Variants in C4orf54 observed in about 807,000 individuals in gnomAD.
C4orf54 encodes uncharacterized protein C4orf54.
In C4orf54, 67 loss-of-function variants were observed where a neutral mutation model predicts 80.1. That is an observed-to-expected ratio of 0.84 (90% CI 0.69 to 1.03). The LOEUF (loss-of-function observed/expected upper bound fraction) is 1.03, where lower values mean the gene tolerates loss of function less well. C4orf54 is among the 50% of genes least tolerant of loss of function. The pLI, the probability that C4orf54 is intolerant of heterozygous loss-of-function variation, is 0.00. For synonymous variants in C4orf54, 1,000 were observed against 917.0 expected, an observed-to-expected ratio of 1.09 and a Z score of -1.64; for missense variants, 2,434 against 2,253.5, an observed-to-expected ratio of 1.08 and a Z score of -1.62.
Position 99,647,428 on chromosome 4 carries a change from A to C in C4orf54, c.*36+1803T>G, listed in dbSNP as rs79501540. On this transcript the variant is annotated intron_variant, in intron 2 of 2. Coordinates refer to ENST00000511828, the MANE Select transcript of C4orf54 (RefSeq NM_001354435.2). ...GCTACTCTTTTCCTTCTGCGAAACT[A>C]ATTCTCTAATTCTGAGTCTCCTACC... Among the ~76,000 whole-genome samples, 1,219 of 152,280 alleles carry C rather than the reference A, an allele frequency of 8.0e-3. 15 individuals are homozygous for C. Among genetic ancestry groups the C allele is most frequent in the African/African-American group, 0.028 (1,156 of 41,550 alleles).
rs1205233119 is a variant in C4orf54, at chr4:99,653,015, G to T, written c.1634C>A (p.Ala545Asp). Residue 545 changes from alanine to aspartate, a missense_variant, in exon 2 of 3, where the codon GCT (alanine) becomes GAT (aspartate). Coordinates refer to ENST00000511828, the MANE Select transcript of C4orf54 (RefSeq NM_001354435.2). ...NVRAKQNIIY[A>D]AKHEGDMSLR... ...GCTCATGTCGCCTTCATGCTTGGCAGCATAAATAATGTTTTGCTTTGCACG... is the reference window on the plus strand; with the variant it reads ...GCTCATGTCGCCTTCATGCTTGGCATCATAAATAATGTTTTGCTTTGCACG... 6.5e-7 allele frequency: 1 copy of T among 1,536,064 alleles called. No homozygotes were observed. The highest frequency in any genetic ancestry group is 8.7e-7 in the Non-Finnish European group (1 of 1,146,912).
rs1015207962 is a variant in C4orf54, at chr4:99,651,286, C to T, written c.3363G>A (p.Lys1121=). The T allele has an allele frequency of 6.5e-7, 1 of 1,536,026 alleles. No homozygotes were observed. Among genetic ancestry groups the T allele is most frequent in the South Asian group, 1.2e-5 (1 of 84,058 alleles). Residue 1121 remains lysine (K), a synonymous_variant, in exon 2 of 3, where the codon AAG becomes AAA. Coordinates refer to ENST00000511828, the MANE Select transcript of C4orf54 (RefSeq NM_001354435.2). ...GCCCCTGCTCTGGGGTAACACTGCCCTTGTCACTACTATCCCCTGACCCTT... is the reference window on the plus strand; with the variant it reads ...GCCCCTGCTCTGGGGTAACACTGCCTTTGTCACTACTATCCCCTGACCCTT... The part of the protein sequence containing the change: ...LIKGSGDSSD[K]GSVTPEQGLT...
rs968853815 is a variant in C4orf54 at position 99,654,315 on chromosome 4, C to T, written c.334G>A (p.Ala112Thr). 2.6e-6 allele frequency: 4 copies of T among 1,510,034 alleles called. No homozygotes were observed. The African/African-American group carries it at 5.5e-5, about 21-fold the overall frequency. 93.5% of individuals were successfully genotyped at this position (1,510,034 alleles called of 1,614,324 possible). A position where few individuals can be genotyped will look rare whatever the true frequency, so the allele number is the denominator to read the frequency against. The change falls in exon 2 of 3, where the codon GCA (alanine) becomes ACA (threonine). Residue 112 changes from alanine to threonine, a missense_variant. Coordinates refer to ENST00000511828, the MANE Select transcript of C4orf54 (RefSeq NM_001354435.2). ...PVQIRGTLLR[A>T]TLQPLRGQRR... Reference sequence around the variant, plus strand: ...TGGCCCCGGAGGGGCTGCAGAGTTGCCCGAAGCAGGGTCCCACGTATCTGG... The same window carrying T: ...TGGCCCCGGAGGGGCTGCAGAGTTGTCCGAAGCAGGGTCCCACGTATCTGG...
At position 99,657,654 on chromosome 4, in the gene C4orf54, T is replaced by C. The variant is rs899551506; in HGVS notation, c.-191A>G. On this transcript the variant is annotated 5_prime_UTR_variant, in exon 1 of 3. Coordinates refer to ENST00000511828, the MANE Select transcript of C4orf54 (RefSeq NM_001354435.2). ...TAAAAACCATGTGAGCTGAAAATTT[T>C]GAATAGAACAGACTCTATTAAAAGC... is the stretch of plus-strand genomic sequence containing the variant. 9.9e-5 allele frequency among the ~76,000 whole-genome samples: 15 copies of C among 152,220 alleles called. No individual in the cohort carries two copies. Among genetic ancestry groups the C allele is most frequent in the African/African-American group, 3.6e-4 (15 of 41,462 alleles).
At chr4:99,642,337 T>C (rs1194260525) in intron 2 of C4orf54, among the ~76,000 whole-genome samples, 1 of 152,214 alleles carries the variant, frequency 6.6e-6, no homozygotes, top group Non-Finnish European at 1.5e-5. Context: ...GACTGAGTCC[T>C]ATCACTAGGC....
chr4:99,653,314 G>A lies in C4orf54; in HGVS notation c.1335C>T (p.Pro445=). The A allele has an allele frequency of 1.3e-6, 2 of 1,532,890 alleles. No homozygotes were observed. Among genetic ancestry groups the A allele is most frequent in the South Asian group, 2.4e-5 (2 of 83,668 alleles). The allele number at this position is 1,532,890 out of a possible 1,614,324, so 95.0% of individuals were successfully genotyped here. ...GGGCCAGGTCGCTGCTTGTAGGGCTGGGCGTCCGGGTGGTGTTGGTGCTGG... is the reference window on the plus strand; with the variant it reads ...GGGCCAGGTCGCTGCTTGTAGGGCTAGGCGTCCGGGTGGTGTTGGTGCTGG... ...TTPSTNTTRT[P]SPTSSDLARP... is the part of the protein sequence containing the mutation. Residue 445 remains proline (P), a synonymous_variant, in exon 2 of 3, where the codon CCC becomes CCT. Transcript: ENST00000511828.
chr4:99,654,187 C>A lies in C4orf54; in HGVS notation c.462G>T (p.Ser154=). 6.5e-7 allele frequency: 1 copy of A among 1,536,196 alleles called. No homozygotes were observed. The highest frequency in any genetic ancestry group is 8.7e-7 in the Non-Finnish European group (1 of 1,146,918). ...CCCCCACCTCCGCCTGTCTTGCTTT[C>A]GAATTCAGCTCAGGAGGGGCAGCTT... is the stretch of plus-strand genomic sequence containing the variant. The part of the protein sequence containing the change: ...IMEAAPPELN[S]KARQAEVGDG... Residue 154 remains serine, a synonymous_variant, in exon 2 of 3, where the codon TCG becomes TCT. Coordinates refer to ENST00000511828, the MANE Select transcript of C4orf54 (RefSeq NM_001354435.2).
chr4:99,651,681 G>A lies in C4orf54; in HGVS notation c.2968C>T (p.Leu990Phe), dbSNP rs1246779508. ...GTCTGCTGGATGTTGGGGACAAAGA[G>A]GCGAGACATGATGGTGTTCTTGCTG... is the stretch of plus-strand genomic sequence containing the variant. Reference protein sequence around the residue: ...SASKNTIMSRLFVPNIQQTPK... With the variant: ...SASKNTIMSRFFVPNIQQTPK... The change falls in exon 2 of 3, where the codon CTC becomes TTC. Residue 990 changes from leucine (L) to phenylalanine (F), a missense_variant. By Grantham distance (22) the Leu-to-Phe change is conservative. Transcript: ENST00000511828. 2 of 1,535,936 alleles carry A rather than the reference G, an allele frequency of 1.3e-6. No homozygotes were observed. Among genetic ancestry groups the A allele is most frequent in the African/African-American group, 2.7e-5 (2 of 73,016 alleles).
At chr4:99,643,388 G>C (rs1726637357) in intron 2 of C4orf54, among the ~76,000 whole-genome samples, 1 of 152,020 alleles carries the variant, frequency 6.6e-6, no homozygotes, top group African/African-American at 2.4e-5. Flanking sequence ...ATCTGAGTTG[G>C]GGTTGCCTGA....
rs562528982 is a variant in C4orf54 at position 99,641,108 on chromosome 4, G to T, written c.*125C>A. 3.3e-5 allele frequency: 5 copies of T among 152,148 alleles called. No individual in the cohort carries two copies. The highest frequency in any genetic ancestry group is 9.6e-5 in the African/African-American group (4 of 41,538). 9.4% of individuals were successfully genotyped at this position (152,148 alleles called of 1,614,324 possible). A position where few individuals can be genotyped will look rare whatever the true frequency, so the allele number is the denominator to read the frequency against. ...GCAAAAATTAAGAATAACACATGTG[G>T]AAGAAGTTTTTCAGATGAAATAATT... On this transcript the variant is annotated 3_prime_UTR_variant, in exon 3 of 3. Transcript: ENST00000511828.
chr4:99,650,690 T>C lies in C4orf54; in HGVS notation c.3959A>G (p.Glu1320Gly). The change falls in exon 2 of 3, where the codon GAA becomes GGA. Residue 1320 changes from glutamate to glycine, a missense_variant. Glu to Gly is a moderately conservative substitution (Grantham distance 98). Transcript: ENST00000511828. ...DKLSKRLGEVEERGTGNKAGV... is the reference protein window; with the variant it reads ...DKLSKRLGEVGERGTGNKAGV... Reference sequence around the variant, plus strand: ...AGCTTTGTTTCCTGTGCCCCGCTCTTCCACCTCACCCAGCCGTTTGGACAG... The same window carrying C: ...AGCTTTGTTTCCTGTGCCCCGCTCTCCCACCTCACCCAGCCGTTTGGACAG... The C allele has an allele frequency of 6.5e-7, 1 of 1,536,124 alleles. No homozygotes were observed. Among genetic ancestry groups the C allele is most frequent in the Non-Finnish European group, 8.7e-7 (1 of 1,146,904 alleles).
intron 1 of C4orf54, among the ~76,000 whole-genome samples, chr4:99,655,125 A>G (rs6852647): frequency 0.46 from 69,545 of 152,066 alleles, 18,844 homozygotes; most frequent in African/African-American, 0.74. Flanking sequence ...ACTTTTCATA[A>G]GAATAGAATA....
rs1726560525 is a variant in C4orf54, at chr4:99,639,100, A to C, written c.*2133T>G. On this transcript the variant is annotated 3_prime_UTR_variant, in exon 3 of 3. Transcript: ENST00000511828. ...ACTCTACCACATTTTCTAGAGAAGG[A>C]GTTGTCTCTCTTTTGGAAGAGTTGG... 1 of 152,154 alleles carries C rather than the reference A, an allele frequency of 6.6e-6. No homozygotes were observed. The highest frequency in any genetic ancestry group is 2.4e-5 in the African/African-American group (1 of 41,444). The allele number at this position is 152,154 out of a possible 1,614,324, so 9.4% of individuals were successfully genotyped here.
chr4:99,651,637 C>CAA lies in C4orf54; in HGVS notation c.3011_3012insTT (p.Arg1005Ter). ...CAGGGTACTTGGTGGCCTGCTTCCTCGGCTGCTTGTCCTTGGGTGTCTGCT... is the reference window on the plus strand; with the variant it reads ...CAGGGTACTTGGTGGCCTGCTTCCTCAAGGCTGCTTGTCCTTGGGTGTCTGCT... On this transcript the variant is annotated frameshift_variant, in exon 2 of 3. Coordinates refer to ENST00000511828, the MANE Select transcript of C4orf54 (RefSeq NM_001354435.2). LOFTEE classifies it high-confidence loss of function. 6.5e-7 allele frequency: 1 copy of CAA among 1,536,120 alleles called. No individual in the cohort carries two copies. Among genetic ancestry groups the CAA allele is most frequent in the Non-Finnish European group, 8.7e-7 (1 of 1,146,900 alleles).
chr4:99,650,165 G>A lies in C4orf54; in HGVS notation c.4484C>T (p.Pro1495Leu), dbSNP rs1726781040. The A allele has an allele frequency of 6.5e-7, 1 of 1,535,984 alleles. No individual in the cohort carries two copies. The highest frequency in any genetic ancestry group is 8.7e-7 in the Non-Finnish European group (1 of 1,146,864). ...LSRPGASREG[P>L]PNSSAATLCS... ...GAGAGTGGCAGCTGAGGAGTTGGGG[G>A]GCCCCTCCCTGGAAGCCCCAGGCCT... is the stretch of plus-strand genomic sequence containing the variant. The change falls in exon 2 of 3, where the codon CCC (proline) becomes CTC (leucine). Residue 1495 changes from proline (P) to leucine (L), a missense_variant. Pro to Leu is a moderately conservative substitution (Grantham distance 98, BLOSUM62 -3). Transcript: ENST00000511828.
Position 99,652,343 on chromosome 4 carries a change from C to T in C4orf54, c.2306G>A (p.Gly769Asp). The change falls in exon 2 of 3, where the codon GGC becomes GAC. Residue 769 changes from glycine to aspartate, a missense_variant. By Grantham distance (94) the Gly-to-Asp change is moderately conservative (BLOSUM62 -1). Coordinates refer to ENST00000511828, the MANE Select transcript of C4orf54 (RefSeq NM_001354435.2). ...CTTGCCGGGGCCTTTGGTGGCCCTGCCGGGCCCAGGGGCCGAGCTGGCTTT... is the reference window on the plus strand; with the variant it reads ...CTTGCCGGGGCCTTTGGTGGCCCTGTCGGGCCCAGGGGCCGAGCTGGCTTT... ...ESKASSAPGP[G>D]RATKGPGKGP... 1.3e-6 allele frequency: 2 copies of T among 1,536,012 alleles called. No homozygotes were observed. The highest frequency in any genetic ancestry group is 2.4e-5 in the East Asian group (1 of 40,906).
Position 99,636,908 on chromosome 4 carries a change from G to T in C4orf54, c.*4325C>A, listed in dbSNP as rs1277385428. The T allele has an allele frequency of 6.6e-6, 1 of 151,930 alleles. No homozygotes were observed. Among genetic ancestry groups the T allele is most frequent in the African/African-American group, 2.4e-5 (1 of 41,368 alleles). The allele number at this position is 151,930 out of a possible 1,614,324, so 9.4% of individuals were successfully genotyped here. ...TACCACCAGCTTTTTTCATAGTCCG[G>T]GGTATAACATTATCCAATATCCTTC... On this transcript the variant is annotated 3_prime_UTR_variant, in exon 3 of 3. Coordinates refer to ENST00000511828, the MANE Select transcript of C4orf54 (RefSeq NM_001354435.2).
rs1168929291 is a variant in C4orf54 at position 99,651,739 on chromosome 4, G to A, written c.2910C>T (p.Gly970=). Reference sequence around the variant, plus strand: ...TCTCCCCGAGATCAGCCCGCCAGTCGCCTCCTTTGGGCAGCTTCAGCTTCC... The same window carrying A: ...TCTCCCCGAGATCAGCCCGCCAGTCACCTCCTTTGGGCAGCTTCAGCTTCC... ...PIGKLKLPKG[G]DWRADLGEIS... is the part of the protein sequence containing the mutation. Residue 970 remains glycine (G), a synonymous_variant, in exon 2 of 3, where the codon GGC becomes GGT. Transcript: ENST00000511828. 6.5e-7 allele frequency: 1 copy of A among 1,535,836 alleles called. No individual in the cohort carries two copies. The highest frequency in any genetic ancestry group is 1.4e-5 in the African/African-American group (1 of 72,986).
rs1189839365 is a variant in C4orf54, at chr4:99,651,533, G to C, written c.3116C>G (p.Pro1039Arg). The C allele has an allele frequency of 2.0e-6, 3 of 1,536,148 alleles. No homozygotes were observed. The highest frequency in any genetic ancestry group is 2.6e-6 in the Non-Finnish European group (3 of 1,146,910). The change falls in exon 2 of 3, where the codon CCG (proline) becomes CGG (arginine). Residue 1039 changes from proline to arginine, a missense_variant. By Grantham distance (103) the Pro-to-Arg change is moderately radical (BLOSUM62 -2). Coordinates refer to ENST00000511828, the MANE Select transcript of C4orf54 (RefSeq NM_001354435.2). ...IKIRLGSVQQ[P>R]SSDFNIAKLL... is the part of the protein sequence containing the mutation. ...CTTGGCAATGTTGAAGTCTGAGCTCGGCTGCTGCACACTCCCCAGCCGGAT... is the reference window on the plus strand; with the variant it reads ...CTTGGCAATGTTGAAGTCTGAGCTCCGCTGCTGCACACTCCCCAGCCGGAT...
Sources: gnomAD v4.1 joint callset for allele counts (sites outside exome capture counted in the v4.1 genomes callset) on GRCh38, gnomAD v4.1.1 for gene constraint, MANE v1.5 for transcripts, NCBI Gene and HGNC (gene_info 2026-07-23, HGNC 2026-07-21) for gene names.